CHL1: variants seen among roughly 807,000 people sequenced by gnomAD.
The protein encoded by CHL1 is cell adhesion molecule L1 like, also known as neural cell adhesion molecule L1-like protein.
In CHL1, 96 loss-of-function variants were observed where a neutral mutation model predicts 141.9. That is an observed-to-expected ratio of 0.68 (90% CI 0.57 to 0.80). The LOEUF (loss-of-function observed/expected upper bound fraction) is 0.80, where lower values mean the gene tolerates loss of function less well. Ranked by LOEUF, CHL1 falls within the 30% of genes least tolerant of loss-of-function variation. The pLI is 0.00. For missense variants in CHL1, 1,820 were observed against 1,457.2 expected, an observed-to-expected ratio of 1.25 and a Z score of -4.05; for synonymous variants, 613 against 502.2, an observed-to-expected ratio of 1.22 and a Z score of -2.95.
intron 2 of CHL1, among the ~76,000 whole-genome samples, chr3:307,075 A>T (rs962539385): frequency 6.6e-6 from 1 of 152,190 alleles, no homozygotes; most frequent in Non-Finnish European, 1.5e-5. Context: ...TTTACCGCAG[A>T]TAATAGTTTC....
chr3:322,222 G>A (rs558711773), intron 3 of CHL1, among the ~76,000 whole-genome samples: 78 of 151,984 alleles, frequency 5.1e-4, no homozygotes, highest in Non-Finnish European at 7.8e-4. Context: ...TGAATATCCA[G>A]TAGATAAACA....
At chr3:244,202 G>A (rs748632897) in intron 1 of CHL1, among the ~76,000 whole-genome samples, 64 of 152,274 alleles carry the variant, frequency 4.2e-4, no homozygotes, top group Non-Finnish European at 8.2e-4. Flanking sequence ...GGTCCATATC[G>A]TTTTATTTTG....
At chr3:370,986 G>A (rs1253274906) in intron 15 of CHL1, among the ~76,000 whole-genome samples, 5 of 152,014 alleles carry the variant, frequency 3.3e-5, no homozygotes, top group African/African-American at 4.8e-5. Context: ...TATAATTTAC[G>A]GTTTTTTGTA....
At chr3:348,540 G>A (rs181523952) in intron 9 of CHL1, among the ~76,000 whole-genome samples, 131 of 152,242 alleles carry the variant, frequency 8.6e-4, no homozygotes, top group African/African-American at 3.0e-3. Context: ...CTTTTCATGA[G>A]GAGGGGTTTT....
intron 2 of CHL1, among the ~76,000 whole-genome samples, chr3:315,336 C>T (rs926579743): frequency 6.6e-6 from 1 of 152,128 alleles, no homozygotes; most frequent in Admixed American, 6.5e-5. Context: ...TTCCCATGGT[C>T]TCATCACTGC....
chr3:246,988 A>G (rs1490880816), intron 2 of CHL1: 1 of 151,970 alleles, frequency 6.6e-6, no homozygotes, highest in Non-Finnish European at 1.5e-5. Flanking sequence ...ACTTATCTCT[A>G]CACACTGCAT....
intron 1 of CHL1, among the ~76,000 whole-genome samples, chr3:209,874 GC>G (rs756454800): frequency 6.6e-6 from 1 of 152,168 alleles, no homozygotes; most frequent in Non-Finnish European, 1.5e-5. Flanking sequence ...ATTTTGTATT[GC>G]CCATTCCAAG....
intron 8 of CHL1, among the ~76,000 whole-genome samples, chr3:344,273 T>C (rs1559285876): frequency 6.6e-6 from 1 of 152,170 alleles, no homozygotes; most frequent in African/African-American, 2.4e-5. Context: ...GATTGAAGTA[T>C]AGAATATAAA....
At chr3:322,530 G>A (rs1700650982) in intron 3 of CHL1, among the ~76,000 whole-genome samples, 1 of 150,518 alleles carries the variant, frequency 6.6e-6, no homozygotes, top group Non-Finnish European at 1.5e-5. Flanking sequence ...AATGAGGGCT[G>A]GGCGTGGTGT....
chr3:348,122 G>C (rs188262666), intron 9 of CHL1, among the ~76,000 whole-genome samples: 1 of 152,250 alleles, frequency 6.6e-6, no homozygotes, highest in East Asian at 1.9e-4. Flanking sequence ...AGACTATAGA[G>C]TTAGGAAGGA....
At position 361,771 on chromosome 3, in the gene CHL1, A is replaced by T; in HGVS notation, c.1379A>T (p.His460Leu). ...ATVVGYSAFL[H>L]CEFFASPEAV... ...GTGGTTGGGTACAGTGCTTTCTTAC[A>T]TTGCGAGTTCTTTGCTTCACCTGAG... The change falls in exon 13 of 28, where the codon CAT becomes CTT. Residue 460 changes from histidine to leucine, a missense_variant. His to Leu is a moderately conservative substitution (Grantham distance 99). Coordinates refer to ENST00000256509, the MANE Select transcript of CHL1 (RefSeq NM_006614.4). The T allele has an allele frequency of 6.2e-7, 1 of 1,613,656 alleles. No homozygotes were observed. The highest frequency in any genetic ancestry group is 8.5e-7 in the Non-Finnish European group (1 of 1,179,612).
At chr3:267,845 A>G (rs1574912018) in intron 2 of CHL1, among the ~76,000 whole-genome samples, 1 of 152,220 alleles carries the variant, frequency 6.6e-6, no homozygotes, top group Non-Finnish European at 1.5e-5. Flanking sequence ...CAAAATATAA[A>G]GCAAATTAAG....
At chr3:343,478 T>C (rs980805272) in intron 8 of CHL1, among the ~76,000 whole-genome samples, 1 of 152,166 alleles carries the variant, frequency 6.6e-6, no homozygotes, top group African/African-American at 2.4e-5. Context: ...TGTGGCTTTC[T>C]GAGAAAAAAA....
Position 382,803 on chromosome 3 carries a change from A to C in CHL1, c.2176+132A>C, listed in dbSNP as rs965734382. On this transcript the variant is annotated intron_variant, in intron 18 of 27. Transcript: ENST00000256509. Reference sequence around the variant, plus strand: ...CCAAATAGTGTTAACAGTTCTCTAAACAGCACACAAAATATTCAAAGCACA... The same window carrying C: ...CCAAATAGTGTTAACAGTTCTCTAACCAGCACACAAAATATTCAAAGCACA... 17 of 761,758 alleles carry C rather than the reference A, an allele frequency of 2.2e-5. No homozygotes were observed. In the African/African-American group the frequency reaches 2.8e-4, roughly 13 times the overall value. 47.2% of individuals were successfully genotyped at this position (761,758 alleles called of 1,614,324 possible).
At chr3:339,306 C>A (rs1014306500) in intron 5 of CHL1, among the ~76,000 whole-genome samples, 3 of 152,230 alleles carry the variant, frequency 2.0e-5, no homozygotes, top group Admixed American at 1.3e-4. Flanking sequence ...CAATCAAAGC[C>A]GAGGCTTTAC....
chr3:205,531 G>A (rs897426455), intron 1 of CHL1, among the ~76,000 whole-genome samples: 1 of 152,206 alleles, frequency 6.6e-6, no homozygotes, highest in Non-Finnish European at 1.5e-5. Context: ...AATTGAAAAT[G>A]TTACCAGTTA....
rs748122710 is a variant in CHL1, at chr3:363,278, A to T, written c.1480A>T (p.Thr494Ser). 1 of 1,613,618 alleles carries T rather than the reference A, an allele frequency of 6.2e-7. No individual in the cohort carries two copies. The highest frequency in any genetic ancestry group is 8.5e-7 in the Non-Finnish European group (1 of 1,179,752). ...GRRYHIYENG[T>S]LQINRTTEED... The stretch of plus-strand genomic sequence containing the variant: ...GCGGTATCATATCTATGAAAATGGC[A>T]CATTGCAGATCAACAGAACCACCGA... The change falls in exon 14 of 28, where the codon ACA becomes TCA. Residue 494 changes from threonine to serine, a missense_variant. By Grantham distance (58) the Thr-to-Ser change is moderately conservative. Coordinates refer to ENST00000256509, the MANE Select transcript of CHL1 (RefSeq NM_006614.4).
At chr3:400,142 TG>T (rs1286709101) in intron 26 of CHL1, among the ~76,000 whole-genome samples, 1 of 152,234 alleles carries the variant, frequency 6.6e-6, no homozygotes, top group Admixed American at 6.5e-5. Context: ...CACTGCTATT[TG>T]TTTCATGATG....
chr3:229,331 A>G (rs1701661836), intron 1 of CHL1, among the ~76,000 whole-genome samples: 1 of 152,186 alleles, frequency 6.6e-6, no homozygotes, highest in Non-Finnish European at 1.5e-5. Flanking sequence ...AATGGCATTC[A>G]CAGAAGGTTC....
Sources: allele counts gnomAD v4.1 joint callset (sites outside exome capture counted in the v4.1 genomes callset), GRCh38; gene constraint gnomAD v4.1.1; transcripts MANE v1.5; gene names NCBI Gene and HGNC (gene_info 2026-07-23, HGNC 2026-07-21).